The following CFAP20DC variants were observed in gnomAD, a reference collection of about 807,000 sequenced individuals.
The protein encoded by CFAP20DC is CFAP20 domain containing.
A neutral mutation model predicts 101.7 loss-of-function variants in CFAP20DC; 84 were observed. The observed-to-expected ratio is 0.83, with a 90% CI of 0.69 to 0.99. CFAP20DC has a LOEUF of 0.99. Ranked by LOEUF, CFAP20DC falls within the 50% of genes least tolerant of loss-of-function variation. CFAP20DC has a pLI of 0.00. For synonymous variants in CFAP20DC, 359 were observed against 351.2 expected (o/e 1.02, Z -0.25); for missense variants, 1,007 against 970.3 (o/e 1.04, Z -0.50).
At chr3:58,835,072 T>C (rs1454680780) in intron 13 of CFAP20DC, among the ~76,000 whole-genome samples, 2 of 152,142 alleles carry the variant, frequency 1.3e-5, no homozygotes, top group Non-Finnish European at 2.9e-5. Context: ...GTTCTTATTA[T>C]TTTTTCCTCT....
intron 4 of CFAP20DC, among the ~76,000 whole-genome samples, chr3:58,950,464 G>A (rs2089971337): frequency 2.0e-5 from 3 of 151,926 alleles, no homozygotes; most frequent in African/African-American, 4.8e-5. Context: ...TCAATCCTAA[G>A]CCAAAAGAAC....
At chr3:58,956,892 C>T (rs1311312193) in intron 4 of CFAP20DC, among the ~76,000 whole-genome samples, 2 of 152,138 alleles carry the variant, frequency 1.3e-5, no homozygotes, top group Admixed American at 6.5e-5. Context: ...CATCATATCT[C>T]GTGAGAACTC....
Position 58,964,195 on chromosome 3 carries a change from G to A in CFAP20DC, c.279-26433C>T, listed in dbSNP as rs768142693. On this transcript the variant is annotated intron_variant, in intron 4 of 16. Transcript: ENST00000482387. This position sits in a 1 kb window ranked among gnomAD's most constrained non-coding sequence, Gnocchi z 4.1. The stretch of plus-strand genomic sequence containing the variant: ...AGATGTCATAACTATAGCTTCAATC[G>A]GACAAGAGACTGATTTCAATAACCT... Among the ~76,000 whole-genome samples the A allele has an allele frequency of 1.4e-4, 22 of 152,176 alleles. No homozygotes were observed. Among genetic ancestry groups the A allele is most frequent in the Non-Finnish European group, 2.2e-4 (15 of 68,006 alleles).
chr3:58,855,566 C>G (rs566863881), intron 12 of CFAP20DC, among the ~76,000 whole-genome samples: 128 of 152,032 alleles, frequency 8.4e-4, no homozygotes, highest in Middle Eastern at 3.4e-3. Context: ...TTCACAATAG[C>G]AAAGACTTGG....
chr3:58,740,594 G>A (rs560540948), downstream of CFAP20DC, among the ~76,000 whole-genome samples: 8 of 152,280 alleles, frequency 5.3e-5, no homozygotes, highest in East Asian at 1.5e-3. This position sits in a 1 kb window ranked among gnomAD's most constrained non-coding sequence, Gnocchi z 4.6. Flanking sequence ...GTTCACTACA[G>A]TCCTCTAGGT....
intron 6 of CFAP20DC, among the ~76,000 whole-genome samples, chr3:58,891,458 A>T (rs2082254601): frequency 6.6e-6 from 1 of 151,352 alleles, no homozygotes; most frequent in Admixed American, 6.6e-5. Context: ...GGAGAGGGAG[A>T]GGGAGAGGGA....
intron 12 of CFAP20DC, among the ~76,000 whole-genome samples, chr3:58,851,325 A>G (rs892240089): frequency 6.6e-6 from 1 of 152,180 alleles, no homozygotes; most frequent in African/African-American, 2.4e-5. Flanking sequence ...TATTGTTATT[A>G]GGATTGTTGA....
intron 16 of CFAP20DC, among the ~76,000 whole-genome samples, chr3:58,744,195 A>G (rs958790773): frequency 6.6e-6 from 1 of 152,172 alleles, no homozygotes; most frequent in African/African-American, 2.4e-5. Context: ...ACCCTGTGGA[A>G]TACGCAGGAA....
chr3:58,920,653 T>C (rs977204276), intron 5 of CFAP20DC, among the ~76,000 whole-genome samples: 3 of 152,170 alleles, frequency 2.0e-5, no homozygotes, highest in Non-Finnish European at 4.4e-5. Flanking sequence ...GACTTTCAAA[T>C]CAAGACCAAC....
At chr3:58,759,885 T>C (rs2069372044) in intron 15 of CFAP20DC, among the ~76,000 whole-genome samples, 1 of 152,234 alleles carries the variant, frequency 6.6e-6, no homozygotes, top group African/African-American at 2.4e-5. Context: ...TTCTGTTCCA[T>C]TGATCTATAT....
intron 4 of CFAP20DC, among the ~76,000 whole-genome samples, chr3:58,961,710 G>A (rs964112636): frequency 6.6e-6 from 1 of 151,538 alleles, no homozygotes; most frequent in African/African-American, 2.4e-5. Context: ...CTTGTTATAT[G>A]TCTATTGAAA....
At chr3:58,825,348 G>A (rs562635339) in intron 14 of CFAP20DC, among the ~76,000 whole-genome samples, 1 of 152,114 alleles carries the variant, frequency 6.6e-6, no homozygotes, top group Non-Finnish European at 1.5e-5. Flanking sequence ...TGCATTTCAT[G>A]TACTCATTCG....
At chr3:59,000,048 G>A (rs2093265540) in intron 4 of CFAP20DC, among the ~76,000 whole-genome samples, 2 of 152,060 alleles carry the variant, frequency 1.3e-5, no homozygotes, top group South Asian at 4.1e-4. Context: ...GTCCAACCTT[G>A]AACTGGTGTC....
At chr3:58,970,041 G>C (rs1379480302) in intron 4 of CFAP20DC, among the ~76,000 whole-genome samples, 1 of 152,122 alleles carries the variant, frequency 6.6e-6, no homozygotes, top group African/African-American at 2.4e-5. Context: ...ATTTAAAAAA[G>C]CTATTACTAG....
intron 16 of CFAP20DC, among the ~76,000 whole-genome samples, chr3:58,748,593 G>A (rs892175804): frequency 2.6e-5 from 4 of 152,060 alleles, no homozygotes; most frequent in South Asian, 2.1e-4. Flanking sequence ...GGGAAGGGGC[G>A]GGGTCTCTGC....
chr3:58,975,355 T>C (rs1273526334), intron 4 of CFAP20DC, among the ~76,000 whole-genome samples: 1 of 152,216 alleles, frequency 6.6e-6, no homozygotes, highest in Non-Finnish European at 1.5e-5. Context: ...GCAGCAACAA[T>C]CTGTCTAGCA....
intron 4 of CFAP20DC, among the ~76,000 whole-genome samples, chr3:58,985,596 A>T (rs1009387468): frequency 1.1e-4 from 16 of 152,086 alleles, no homozygotes; most frequent in African/African-American, 3.4e-4. Context: ...CCAATATACT[A>T]CACTAGTAGT....
rs1456421480 is a variant in CFAP20DC, at chr3:58,859,355, A to T, written c.1593+4203T>A. Among the ~76,000 whole-genome samples, 1 of 152,232 alleles carries T rather than the reference A, an allele frequency of 6.6e-6. No homozygotes were observed. The highest frequency in any genetic ancestry group is 1.5e-5 in the Non-Finnish European group (1 of 68,034). ...TTAGGCTTTTCTAATTTTTCAAGGC[A>T]AAACATATTTTTCTATAAGTTAGAC... On this transcript the variant is annotated intron_variant, in intron 12 of 16. Transcript: ENST00000482387. This position sits in a 1 kb window ranked among gnomAD's most constrained non-coding sequence, Gnocchi z 4.1.
At chr3:58,938,195 T>C in intron 4 of CFAP20DC, among the ~76,000 whole-genome samples, 1 of 152,208 alleles carries the variant, frequency 6.6e-6, no homozygotes, top group Admixed American at 6.5e-5. Context: ...TTGTATAGGC[T>C]CTTAGTCTGC....
Sources: gnomAD v4.1 joint callset for allele counts (sites outside exome capture counted in the v4.1 genomes callset) on GRCh38, gnomAD v4.1.1 for gene constraint, Gnocchi (gnomAD v3.1) non-coding constraint, MANE v1.5 for transcripts, NCBI Gene and HGNC (gene_info 2026-07-23, HGNC 2026-07-21) for gene names.